DGKB: variants seen among roughly 807,000 people sequenced by gnomAD.
DGKB encodes the protein diacylglycerol kinase beta, also known as 90 kDa diacylglycerol kinase.
In DGKB, 67 loss-of-function variants were observed where a neutral mutation model predicts 114.3. The ratio of observed to expected loss-of-function variants is 0.59; its 90% CI spans 0.48 to 0.72. The LOEUF is 0.72. Among genes scored for constraint, DGKB ranks in the 30% least tolerant of loss-of-function variants. The pLI is 0.00. For missense variants in DGKB, 907 were observed against 975.2 expected, an observed-to-expected ratio of 0.93 and a Z score of 0.93; for synonymous variants, 398 against 323.1, an observed-to-expected ratio of 1.23 and a Z score of -2.49.
chr7:14,969,745 G>C (rs1787353987), intron 1 of DGKB, among the ~76,000 whole-genome samples: 1 of 152,186 alleles, frequency 6.6e-6, no homozygotes, highest in Non-Finnish European at 1.5e-5. Flanking sequence ...AAACGGTTTG[G>C]ACCATTGGTC....
intron 4 of DGKB, among the ~76,000 whole-genome samples, chr7:14,743,368 G>A (rs903007292): frequency 2.6e-5 from 4 of 152,068 alleles, no homozygotes; most frequent in African/African-American, 9.7e-5. Flanking sequence ...GATGAGTAAA[G>A]GTTTTCCCTA....
chr7:14,295,783 G>A (rs1429015252), intron 23 of DGKB, among the ~76,000 whole-genome samples: 1 of 151,956 alleles, frequency 6.6e-6, no homozygotes. Context: ...GTATACATGT[G>A]CCATGGTGGT....
intron 21 of DGKB, among the ~76,000 whole-genome samples, chr7:14,359,266 T>C (rs989049148): frequency 6.6e-6 from 1 of 152,178 alleles, no homozygotes; most frequent in Non-Finnish European, 1.5e-5. Flanking sequence ...GCTAGCCATA[T>C]GGAGAAAGCG....
intron 21 of DGKB, among the ~76,000 whole-genome samples, chr7:14,462,327 C>A (rs559452571): frequency 1.3e-5 from 2 of 152,244 alleles, no homozygotes; most frequent in East Asian, 3.9e-4. Context: ...TCTCTGTTTG[C>A]AGATGACATG....
At chr7:14,782,134 C>T (rs1344784391) in intron 2 of DGKB, among the ~76,000 whole-genome samples, 1 of 152,074 alleles carries the variant, frequency 6.6e-6, no homozygotes, top group Non-Finnish European at 1.5e-5. Flanking sequence ...AAGCAATTCT[C>T]ATGCCTCAGT....
intron 23 of DGKB, among the ~76,000 whole-genome samples, chr7:14,237,329 C>CCTCCCTTT (rs1401822021): frequency 6.6e-6 from 1 of 151,872 alleles, no homozygotes; most frequent in Non-Finnish European, 1.5e-5. Flanking sequence ...TTCCTCCATT[C>CCTCCCTTT]CTCCCTTTCT....
chr7:14,195,185 A>G (rs1784847908), intron 23 of DGKB, among the ~76,000 whole-genome samples: 1 of 152,130 alleles, frequency 6.6e-6, no homozygotes, highest in African/African-American at 2.4e-5. Flanking sequence ...GAAGGCTTTC[A>G]CTTGTTTTCT....
At chr7:14,825,533 GC>G (rs895127883) in intron 2 of DGKB, among the ~76,000 whole-genome samples, 24 of 152,168 alleles carry the variant, frequency 1.6e-4, no homozygotes, top group African/African-American at 5.5e-4. Flanking sequence ...TAGGGTTTGT[GC>G]TCCCGTGACA....
intron 23 of DGKB, among the ~76,000 whole-genome samples, chr7:14,210,207 A>T (rs1787529490): frequency 6.6e-6 from 1 of 152,064 alleles, no homozygotes; most frequent in African/African-American, 2.4e-5. Flanking sequence ...ACCACTATCC[A>T]TTAGAGTATT....
chr7:14,598,734 A>C (rs1208766904), intron 17 of DGKB, among the ~76,000 whole-genome samples: 1 of 152,160 alleles, frequency 6.6e-6, no homozygotes, highest in Non-Finnish European at 1.5e-5. Context: ...TTATAAAGTA[A>C]ATATTTATAA....
At chr7:14,619,512 C>G (rs796831444) in intron 15 of DGKB, among the ~76,000 whole-genome samples, 8 of 151,620 alleles carry the variant, frequency 5.3e-5, no homozygotes, top group African/African-American at 1.9e-4. Flanking sequence ...TCTTGGAAAA[C>G]TGAGATTAGA....
intron 13 of DGKB, among the ~76,000 whole-genome samples, chr7:14,672,677 AG>A (rs113331922): frequency 1.7e-3 from 253 of 152,238 alleles, no homozygotes; most frequent in African/African-American, 5.4e-3. Context: ...CCTGGTAAGT[AG>A]CAGCACGACT....
intron 16 of DGKB, among the ~76,000 whole-genome samples, chr7:14,609,306 C>A (rs186619701): frequency 1.2e-3 from 177 of 152,080 alleles, no homozygotes; most frequent in Admixed American, 3.4e-3. Context: ...ACTTCCTATT[C>A]AATACATGTT....
intron 1 of DGKB, among the ~76,000 whole-genome samples, chr7:14,899,614 C>G (rs552326327): frequency 7.2e-5 from 11 of 152,198 alleles, no homozygotes; most frequent in African/African-American, 2.6e-4. Flanking sequence ...ACTGCATTAT[C>G]TTCCATTTCC....
intron 21 of DGKB, among the ~76,000 whole-genome samples, chr7:14,395,964 C>A (rs907487776): frequency 6.6e-6 from 1 of 151,838 alleles, no homozygotes; most frequent in African/African-American, 2.4e-5. Context: ...ATAAATTATA[C>A]ATTTGAAGGA....
At chr7:14,522,785 G>A (rs1789996693) in intron 20 of DGKB, among the ~76,000 whole-genome samples, 1 of 152,168 alleles carries the variant, frequency 6.6e-6, no homozygotes, top group Non-Finnish European at 1.5e-5. Context: ...GAAAGAATTT[G>A]TCAGCTTCTC....
chr7:14,958,477 C>CACACACACACACT (rs1562903995), intron 1 of DGKB, among the ~76,000 whole-genome samples: 8 of 84,754 alleles, frequency 9.4e-5, no homozygotes, highest in Non-Finnish European at 1.7e-4. Flanking sequence ...ACACACACAC[C>CACACACACACACT]CCGTCCAGGA....
chr7:14,750,132 A>C (rs751438358), intron 4 of DGKB: 1 of 518,560 alleles, frequency 1.9e-6, no homozygotes, highest in East Asian at 5.5e-5. Context: ...AAGTTCCTTA[A>C]ATTGCCCAAC....
intron 23 of DGKB, among the ~76,000 whole-genome samples, chr7:14,252,415 CTTAT>C (rs1795372719): frequency 6.6e-6 from 1 of 152,142 alleles, no homozygotes; most frequent in Non-Finnish European, 1.5e-5. Context: ...TTGATGTCTG[CTTAT>C]TTAAAGAAAT....
Sources: gnomAD v4.1 joint callset for allele counts (sites outside exome capture counted in the v4.1 genomes callset) on GRCh38, gnomAD v4.1.1 for gene constraint, MANE v1.5 for transcripts, NCBI Gene and HGNC (gene_info 2026-07-23, HGNC 2026-07-21) for gene names.